Variants in MAX observed in about 807,000 individuals in gnomAD.
MAX encodes the protein protein max.
In MAX, 3 loss-of-function variants were observed where a neutral mutation model predicts 22.3. That is an observed-to-expected ratio of 0.13 (90% CI 0.06 to 0.35). The LOEUF (loss-of-function observed/expected upper bound fraction) is 0.35, where lower values mean the gene tolerates loss of function less well. MAX is among the 10% of genes least tolerant of loss of function. MAX has a pLI of 1.00. For synonymous variants in MAX, 72 were observed against 77.7 expected (o/e 0.93, Z 0.39); for missense variants, 119 against 209.4 (o/e 0.57, Z 2.66).
intron 3 of MAX, among the ~76,000 whole-genome samples, chr14:65,037,726 CTTATTTATTTATTTATTATTTAT>C (rs1394564634): frequency 7.1e-4 from 83 of 117,542 alleles, no homozygotes; most frequent in Non-Finnish European, 1.1e-3. Context: ...TGCCCAGCCT[CTTATTTATTTATTTATTATTTAT>C]TTATTTATTT....
intron 3 of MAX, among the ~76,000 whole-genome samples, chr14:65,039,995 C>T (rs1034108299): frequency 6.6e-6 from 1 of 151,960 alleles, no homozygotes. Context: ...TTAAGACCAG[C>T]CTGGGTAACA....
intron 1 of MAX, 192 bp from the exon 2 acceptor site, chr14:65,101,764 G>A (rs2063848414): frequency 1.6e-6 from 1 of 607,662 alleles, no homozygotes; most frequent in Non-Finnish European, 2.9e-6. Flanking sequence ...AGGGTAGAGG[G>A]GTCCCGAGCG....
At chr14:65,067,619 G>A (rs2062943561) in intron 3 of MAX, among the ~76,000 whole-genome samples, 1 of 149,290 alleles carries the variant, frequency 6.7e-6, no homozygotes. Flanking sequence ...GACTAGATGG[G>A]TTTATGTTTT....
chr14:65,087,408 A>T (rs1057278258), intron 3 of MAX, among the ~76,000 whole-genome samples: 9 of 152,230 alleles, frequency 5.9e-5, no homozygotes, highest in Admixed American at 3.3e-4. Flanking sequence ...GAAAGCAGCC[A>T]GGAAGGAGGC....
intron 3 of MAX, among the ~76,000 whole-genome samples, chr14:65,067,091 TG>T (rs896741659): frequency 1.3e-5 from 2 of 148,738 alleles, no homozygotes; most frequent in African/African-American, 5.0e-5. Flanking sequence ...GAGGCTAAGA[TG>T]GGGGGTCACT....
chr14:65,013,428 G>T (rs2061716005), intron 3 of MAX, among the ~76,000 whole-genome samples: 1 of 151,972 alleles, frequency 6.6e-6, no homozygotes, highest in Non-Finnish European at 1.5e-5. Flanking sequence ...CACATCCATG[G>T]GCTAGATTTG....
At chr14:65,074,754 G>A (rs1157357459), downstream of MAX, among the ~76,000 whole-genome samples, 4 of 152,156 alleles carry the variant, frequency 2.6e-5, no homozygotes, top group African/African-American at 7.2e-5. Flanking sequence ...GAAAGGTCCT[G>A]GAGAACAGCC....
chr14:65,016,337 A>C lies in MAX; in HGVS notation c.172-10053T>G, dbSNP rs542558319. On this transcript the variant is annotated intron_variant, in intron 3 of 3. Transcript: ENST00000341653. ...CATTCCCAGACACTCATCACCATTT[A>C]TATATTAAAGAAGAAAAGACTGATC... 3.9e-5 allele frequency among the ~76,000 whole-genome samples: 6 copies of C among 152,322 alleles called. 1 individual carries two copies. The South Asian group carries it at 1.2e-3, about 32-fold the overall frequency.
Position 65,049,059 on chromosome 14 carries a change from G to A in MAX, c.172-42775C>T, listed in dbSNP as rs566866399. On this transcript the variant is annotated intron_variant, in intron 3 of 3. Coordinates refer to the MAX transcript ENST00000341653. ...GGAGAATCCCTTGAACCCCGGAGGC[G>A]GAGGTTGCAGTGAGCTGAGATCGCG... 9.5e-4 allele frequency among the ~76,000 whole-genome samples: 144 copies of A among 152,026 alleles called. 8 individuals are homozygous for A. In the South Asian group the frequency reaches 0.024, roughly 26 times the overall value.
At position 65,016,155 on chromosome 14, in the gene MAX, C is replaced by G. The variant is rs79262795; in HGVS notation, c.172-9871G>C. On this transcript the variant is annotated intron_variant, in intron 3 of 3. Coordinates refer to the MAX transcript ENST00000341653. ...ACCTCCCCGCTCCCGGTGCTTGGAG[C>G]GACCATGTAGCTCTTGATGGGACTG... Among the ~76,000 whole-genome samples, 984 of 152,270 alleles carry G rather than the reference C, an allele frequency of 6.5e-3. 17 individuals are homozygous for G. Among genetic ancestry groups the G allele is most frequent in the South Asian group, 0.043 (209 of 4,816 alleles).
intron 3 of MAX, among the ~76,000 whole-genome samples, chr14:65,008,459 C>T (rs915041680): frequency 6.6e-6 from 1 of 152,198 alleles, no homozygotes; most frequent in Non-Finnish European, 1.5e-5. Flanking sequence ...GGCTCTTGGT[C>T]TAGTGGGGGA....
At chr14:65,033,232 AAAG>A (rs1215715853) in intron 3 of MAX, among the ~76,000 whole-genome samples, 2 of 152,250 alleles carry the variant, frequency 1.3e-5, no homozygotes, top group East Asian at 3.8e-4. Context: ...GAAAGAATGA[AAAG>A]AAAAAAATAC....
At position 65,078,529 on chromosome 14, in the gene MAX, TG is replaced by T. The variant is rs1164933694; in HGVS notation, c.172-494del. Among the ~76,000 whole-genome samples the T allele has an allele frequency of 2.8e-4, 42 of 149,030 alleles. 1 individual carries two copies. Among genetic ancestry groups the T allele is most frequent in the Admixed American group, 1.2e-3 (18 of 14,918 alleles). On this transcript the variant is annotated intron_variant, in intron 3 of 4. Transcript: ENST00000358664. The surrounding 1 kb of genome is among the most constrained non-coding windows in gnomAD (Gnocchi z 6.4). ...CCCAGCCTGTTGTTGTTGTTGTTGT[TG>T]TTGTTTTTTTTTTTTTGGAGACGTA...
At chr14:65,026,209 C>A (rs1026613834) in intron 3 of MAX, among the ~76,000 whole-genome samples, 5 of 152,192 alleles carry the variant, frequency 3.3e-5, no homozygotes, top group Admixed American at 3.3e-4. Context: ...TGTGACCCTG[C>A]TGAGCTGTGG....
At chr14:65,071,905 G>A (rs2062991186), downstream of MAX, among the ~76,000 whole-genome samples, 1 of 152,234 alleles carries the variant, frequency 6.6e-6, no homozygotes, top group African/African-American at 2.4e-5. This position sits in a 1 kb window ranked among gnomAD's most constrained non-coding sequence, Gnocchi z 4.2. Flanking sequence ...AGCCAAATTG[G>A]TTTTCTCCCT....
In MAX at chr14:65,028,391, GA is replaced by G. The variant is rs1408090421; in HGVS notation, c.172-22108del. On this transcript the variant is annotated intron_variant, in intron 3 of 3. Transcript: ENST00000341653. This position sits in a 1 kb window ranked among gnomAD's most constrained non-coding sequence, Gnocchi z 4.4. ...GCAGATTACTTATGAGGCATACAGG[GA>G]ATTCATTGAATAAGCCATTTCTCTA... 6.6e-6 allele frequency among the ~76,000 whole-genome samples: 1 copy of G among 152,204 alleles called. No individual in the cohort carries two copies. The highest frequency in any genetic ancestry group is 1.5e-5 in the Non-Finnish European group (1 of 68,042).
Position 65,078,394 on chromosome 14 carries a change from C to T in MAX, c.172-358G>A, listed in dbSNP as rs763569713. On this transcript the variant is annotated intron_variant, in intron 3 of 4. Transcript: ENST00000358664. This position sits in a 1 kb window ranked among gnomAD's most constrained non-coding sequence, Gnocchi z 6.4. ...TTTTTTTGTATTTTTAGTAGAAATG[C>T]GGTTTCACCATGTTAGCCAGGCTGG... is the stretch of plus-strand genomic sequence containing the variant. Among the ~76,000 whole-genome samples, 7 of 151,878 alleles carry T rather than the reference C, an allele frequency of 4.6e-5. No homozygotes were observed. Among genetic ancestry groups the T allele is most frequent in the Non-Finnish European group, 8.8e-5 (6 of 67,968 alleles).
In MAX at chr14:65,025,197, G is replaced by C. The variant is rs138313418; in HGVS notation, c.172-18913C>G. On this transcript the variant is annotated intron_variant, in intron 3 of 3. Transcript: ENST00000341653. ...GGTTGGCATGGAGGGATGGTATCAA[G>C]GTGTGTCTGGTACATTCAGATCCTA... Among the ~76,000 whole-genome samples the C allele has an allele frequency of 8.0e-4, 122 of 152,274 alleles. 2 individuals carry two copies. The East Asian group carries it at 0.02, about 25-fold the overall frequency.
rs546953805 is a variant in MAX, at chr14:65,101,423, A to G, written c.63+123T>C. On this transcript the variant is annotated intron_variant, in intron 2 of 4. Coordinates refer to ENST00000358664, the MANE Select transcript of MAX (RefSeq NM_002382.5). ...CCAGAACCAGGCCCCACCTCACCTTAGTGGTTAACATTAGAGTTTACTACA... is the reference window on the plus strand; with the variant it reads ...CCAGAACCAGGCCCCACCTCACCTTGGTGGTTAACATTAGAGTTTACTACA... The G allele has an allele frequency of 7.8e-5, 69 of 885,472 alleles. 1 individual carries two copies. The African/African-American group carries it at 1.1e-3, about 15-fold the overall frequency. The allele number at this position is 885,472 out of a possible 1,614,324, so 54.9% of individuals were successfully genotyped here.
Sources: gnomAD v4.1 joint callset for allele counts (sites outside exome capture counted in the v4.1 genomes callset) on GRCh38, gnomAD v4.1.1 for gene constraint, Gnocchi (gnomAD v3.1) non-coding constraint, MANE v1.5 for transcripts, NCBI Gene and HGNC (gene_info 2026-07-23, HGNC 2026-07-21) for gene names.